Variants in CHRDL2 observed in about 807,000 individuals in gnomAD.
The protein encoded by CHRDL2 is chordin-like protein 2.
In CHRDL2, 41 loss-of-function variants were observed where a neutral mutation model predicts 54.3. The ratio of observed to expected loss-of-function variants is 0.76; its 90% confidence interval spans 0.59 to 0.98. The LOEUF is 0.98. CHRDL2 is among the 50% of genes least tolerant of loss of function. CHRDL2 has a pLI of 0.00. For synonymous variants in CHRDL2, 220 were observed against 224.3 expected, an observed-to-expected ratio of 0.98 and a Z score of 0.17; for missense variants, 518 against 562.4, an observed-to-expected ratio of 0.92 and a Z score of 0.80.
intron 1 of CHRDL2, among the ~76,000 whole-genome samples, chr11:74,726,392 C>A (rs2034571141): frequency 2.6e-5 from 4 of 152,182 alleles, no homozygotes; most frequent in African/African-American, 9.7e-5. Flanking sequence ...CTTACAGGGA[C>A]ACCCATCCCC....
intron 5 of CHRDL2, among the ~76,000 whole-genome samples, chr11:74,707,764 C>T (rs779640483): frequency 2.0e-5 from 3 of 152,082 alleles, no homozygotes; most frequent in East Asian, 1.9e-4. Context: ...CCCTCAAGCC[C>T]GCAGCTCCTG....
chr11:74,699,298 G>A (rs2033719684), intron 9 of CHRDL2: 1 of 152,274 alleles, frequency 6.6e-6, no homozygotes, highest in Non-Finnish European at 1.5e-5. Flanking sequence ...AAAGGACTGG[G>A]TCTCTGGCCT....
At chr11:74,722,169 C>T (rs1243482738) in intron 1 of CHRDL2, among the ~76,000 whole-genome samples, 1 of 152,148 alleles carries the variant, frequency 6.6e-6, no homozygotes, top group Non-Finnish European at 1.5e-5. Flanking sequence ...ATACCTCACT[C>T]CCTTCCCATA....
chr11:74,707,357 G>A (rs981469806), intron 5 of CHRDL2, among the ~76,000 whole-genome samples: 2 of 152,168 alleles, frequency 1.3e-5, no homozygotes, highest in Non-Finnish European at 2.9e-5. Context: ...ATCCACTGTG[G>A]AGCACTCCCC....
intron 9 of CHRDL2, chr11:74,701,736 G>C: frequency 1.7e-6 from 1 of 587,402 alleles, no homozygotes; most frequent in East Asian, 2.9e-5. Flanking sequence ...AAACTCCAAA[G>C]TGCTACACAC....
In CHRDL2 at chr11:74,697,242, C is replaced by T. The variant is rs1302895694; in HGVS notation, c.1176G>A (p.Glu392=). The T allele has an allele frequency of 1.2e-6, 2 of 1,614,082 alleles. No individual in the cohort carries two copies. The highest frequency in any genetic ancestry group is 1.1e-5 in the South Asian group (1 of 91,080). ...KKVRKQDFQK[E]AQHFRLLAGP... ...CAGCGAGCAGTCGGAAGTGCTGTGC[C>T]TCTTTCTGGAAGTCTTGCTTCCTGA... The change falls in exon 10 of 11, where the codon GAG becomes GAA. Residue 392 remains glutamate, a synonymous_variant. Transcript: ENST00000376332.
chr11:74,729,875 C>T (rs536403083), intron 1 of CHRDL2, among the ~76,000 whole-genome samples: 10 of 152,142 alleles, frequency 6.6e-5, no homozygotes, highest in East Asian at 5.8e-4. Flanking sequence ...CTATTGTGGG[C>T]GCAGTGAGGA....
chr11:74,700,426 C>T (rs922872637), intron 9 of CHRDL2, among the ~76,000 whole-genome samples: 1 of 152,042 alleles, frequency 6.6e-6, no homozygotes. Flanking sequence ...CATTGAGGCC[C>T]ATCCTTCACG....
intron 2 of CHRDL2, among the ~76,000 whole-genome samples, chr11:74,713,995 G>T (rs1276492494): frequency 3.9e-5 from 6 of 152,182 alleles, no homozygotes; most frequent in African/African-American, 1.4e-4. Context: ...AGCCTTTGGA[G>T]TTGGCACCAG....
At chr11:74,711,818 C>CTT (rs369068669) in intron 3 of CHRDL2, among the ~76,000 whole-genome samples, 1 of 147,718 alleles carries the variant, frequency 6.8e-6, no homozygotes, top group African/African-American at 2.5e-5. Context: ...TCCTTTTTTT[C>CTT]TTTTTTTTTT....
chr11:74,705,106 G>C (rs1245860952), intron 6 of CHRDL2, among the ~76,000 whole-genome samples: 3 of 151,970 alleles, frequency 2.0e-5, no homozygotes, highest in Non-Finnish European at 2.9e-5. Context: ...GATGGCATCA[G>C]GCAGGCCCCA....
intron 1 of CHRDL2, among the ~76,000 whole-genome samples, chr11:74,724,320 C>T (rs943102318): frequency 6.6e-6 from 1 of 152,270 alleles, no homozygotes; most frequent in Non-Finnish European, 1.5e-5. Flanking sequence ...CCCTTTCCCA[C>T]AGGAAGTGTC....
intron 3 of CHRDL2, 101 bp from the exon 4 acceptor site, chr11:74,711,092 C>G: frequency 7.5e-7 from 1 of 1,339,804 alleles, no homozygotes; most frequent in Non-Finnish European, 1.0e-6. Flanking sequence ...GCATTTGACC[C>G]CAGCTTGATA....
chr11:74,719,601 G>A (rs2034457897), intron 1 of CHRDL2, among the ~76,000 whole-genome samples: 2 of 152,216 alleles, frequency 1.3e-5, no homozygotes, highest in Admixed American at 1.3e-4. Flanking sequence ...GCCGTGATGA[G>A]AAGGTTGTTA....
rs1369313900 is a variant in CHRDL2 at position 74,702,955 on chromosome 11, T to C, written c.959A>G (p.Asp320Gly). 4.3e-6 allele frequency: 7 copies of C among 1,612,526 alleles called. No individual in the cohort carries two copies. The highest frequency in any genetic ancestry group is 3.4e-6 in the Non-Finnish European group (4 of 1,179,182). The part of the protein sequence containing the change: ...CCKICPEDKA[D>G]PGHSEISSTR... ...AGAACTGATCTCACTGTGGCCAGGG[T>C]CTGCTTTGTCCTCTGGAGAGACAAG... The change falls in exon 9 of 11, where the codon GAC (aspartate) becomes GGC (glycine). Residue 320 changes from aspartate (D) to glycine (G), a missense_variant. Asp to Gly is a moderately conservative substitution (Grantham distance 94). Transcript: ENST00000376332.
In CHRDL2 at chr11:74,702,826, A is replaced by T. The variant is rs781768394; in HGVS notation, c.1088T>A (p.Leu363Ter). The T allele has an allele frequency of 2.5e-6, 4 of 1,613,918 alleles. No homozygotes were observed. In the South Asian group the frequency reaches 4.4e-5, roughly 18 times the overall value. ...RFALEHEASD[L>*]VEIYLWKLVK... ...CAGCTTCCAGAGGTAGATCTCCACC[A>T]AGTCCGAGGCCTCGTGTTCCAGGGC... Residue 363 changes from leucine to a stop codon, truncating the protein, a stop_gained, in exon 9 of 11, where the codon TTG (leucine) becomes TAG (stop). Coordinates refer to ENST00000376332, the MANE Select transcript of CHRDL2 (RefSeq NM_001278473.3). LOFTEE classifies it high-confidence loss of function.
At chr11:74,700,264 A>C (rs2033755762) in intron 9 of CHRDL2, among the ~76,000 whole-genome samples, 1 of 152,224 alleles carries the variant, frequency 6.6e-6, no homozygotes, top group South Asian at 2.1e-4. Flanking sequence ...CACACCAATC[A>C]CAGAGCACAG....
intron 1 of CHRDL2, among the ~76,000 whole-genome samples, chr11:74,725,782 C>T (rs939481784): frequency 2.6e-5 from 4 of 152,170 alleles, no homozygotes; most frequent in Admixed American, 6.5e-5. Flanking sequence ...GGAATTGTGG[C>T]TGGCCTGTCC....
At chr11:74,704,706 G>C (rs1480935141) in intron 6 of CHRDL2, 52 bp from the exon 7 acceptor site, 1 of 1,563,154 alleles carries the variant, frequency 6.4e-7, no homozygotes, top group African/African-American at 1.4e-5. Flanking sequence ...GCAGGCCCCA[G>C]CTGGAGCCAG....
Sources: allele counts gnomAD v4.1 joint callset (sites outside exome capture counted in the v4.1 genomes callset), GRCh38; gene constraint gnomAD v4.1.1; transcripts MANE v1.5; gene names NCBI Gene and HGNC (gene_info 2026-07-23, HGNC 2026-07-21).